Variants in KCNMA1 observed in about 807,000 individuals in gnomAD.
KCNMA1 encodes the protein potassium calcium-activated channel subfamily M alpha 1, also known as Calcium-activated potassium channel subunit alpha-1.
KCNMA1 carries 29 observed loss-of-function variants against 140.0 expected under a neutral mutation model. The observed-to-expected ratio is 0.21, with a 90% CI of 0.15 to 0.28. KCNMA1 has a LOEUF of 0.28. Ranked by LOEUF, KCNMA1 falls within the 10% of genes least tolerant of loss-of-function variation. The probability of loss-of-function intolerance (pLI) is 1.00; values close to 1 mark genes in which losing one functional copy is unlikely to be tolerated. For synonymous variants in KCNMA1, 612 were observed against 611.9 expected (o/e 1.00, Z 0.00); for missense variants, 880 against 1,602.2 (o/e 0.55, Z 7.70).
intron 15 of KCNMA1, among the ~76,000 whole-genome samples, chr10:77,029,882 G>T (rs1023083606): frequency 6.6e-6 from 1 of 152,140 alleles, no homozygotes; most frequent in African/African-American, 2.4e-5. Flanking sequence ...CAGGAAATGA[G>T]GGGGGAGCAA....
At chr10:76,983,979 A>T (rs1054213922) in intron 19 of KCNMA1, among the ~76,000 whole-genome samples, 7 of 152,282 alleles carry the variant, frequency 4.6e-5, no homozygotes, top group Non-Finnish European at 5.9e-5. Context: ...AATAATTTTT[A>T]AAAATAGTTT....
intron 3 of KCNMA1, among the ~76,000 whole-genome samples, chr10:77,216,832 C>T (rs1374662889): frequency 6.6e-6 from 1 of 152,176 alleles, no homozygotes; most frequent in Non-Finnish European, 1.5e-5. Flanking sequence ...TCTTCAACAA[C>T]TACCCTTCAA....
chr10:77,359,270 T>G (rs1383789090), intron 2 of KCNMA1, among the ~76,000 whole-genome samples: 2 of 151,974 alleles, frequency 1.3e-5, no homozygotes, highest in Non-Finnish European at 2.9e-5. Flanking sequence ...GGCAGGAAGG[T>G]TTGTCCGCCA....
At chr10:77,250,077 C>T (rs1029213891) in intron 3 of KCNMA1, 2 of 152,302 alleles carry the variant, frequency 1.3e-5, no homozygotes, top group South Asian at 2.1e-4. Context: ...AATCCTTGGC[C>T]GGTGACCAGA....
chr10:77,447,184 G>A (rs2097544616), intron 1 of KCNMA1, among the ~76,000 whole-genome samples: 1 of 152,216 alleles, frequency 6.6e-6, no homozygotes, highest in African/African-American at 2.4e-5. Flanking sequence ...GGGTACAGAA[G>A]CACAGCAATT....
chr10:76,955,952 G>C (rs539778700), intron 20 of KCNMA1, among the ~76,000 whole-genome samples: 1 of 152,154 alleles, frequency 6.6e-6, no homozygotes, highest in Non-Finnish European at 1.5e-5. Flanking sequence ...CCTGTTTACT[G>C]GTTGGAGAGA....
At chr10:77,000,295 A>G (rs2085798747) in intron 19 of KCNMA1, among the ~76,000 whole-genome samples, 1 of 152,220 alleles carries the variant, frequency 6.6e-6, no homozygotes. Context: ...AAACAAAGTT[A>G]TAGTTATACT....
intron 5 of KCNMA1, among the ~76,000 whole-genome samples, chr10:77,155,266 C>G (rs796386948): frequency 4.6e-5 from 7 of 152,338 alleles, no homozygotes; most frequent in African/African-American, 1.7e-4. Flanking sequence ...AGAATTCTTT[C>G]CTGCCTGCTA....
At chr10:76,882,057 G>A (rs1258323981), downstream of KCNMA1, among the ~76,000 whole-genome samples, 1 of 152,136 alleles carries the variant, frequency 6.6e-6, no homozygotes, top group African/African-American at 2.4e-5. Context: ...CAGGGCTGCA[G>A]GTCACCCTGG....
chr10:77,282,072 G>A (rs2068812299), intron 2 of KCNMA1, among the ~76,000 whole-genome samples: 1 of 152,138 alleles, frequency 6.6e-6, no homozygotes. Context: ...GTTCTGCCAC[G>A]ATCCTTAAAA....
chr10:77,358,060 CA>C (rs1483821034), intron 2 of KCNMA1, among the ~76,000 whole-genome samples: 1 of 152,042 alleles, frequency 6.6e-6, no homozygotes, highest in Non-Finnish European at 1.5e-5. Context: ...TGAGCCAAAG[CA>C]CAATATAAGA....
intron 9 of KCNMA1, among the ~76,000 whole-genome samples, chr10:77,094,299 G>C (rs1303637507): frequency 6.6e-6 from 1 of 152,148 alleles, no homozygotes; most frequent in Non-Finnish European, 1.5e-5. Flanking sequence ...ACTTGCCCAG[G>C]ATGCAATCTG....
intron 1 of KCNMA1, among the ~76,000 whole-genome samples, chr10:77,609,561 T>C (rs1275143533): frequency 1.3e-5 from 2 of 152,198 alleles, no homozygotes; most frequent in Non-Finnish European, 2.9e-5. Flanking sequence ...ATTGTATTCT[T>C]GAAAACTGCT....
At chr10:76,998,062 C>A (rs1456774284) in intron 19 of KCNMA1, among the ~76,000 whole-genome samples, 1 of 152,138 alleles carries the variant, frequency 6.6e-6, no homozygotes, top group Non-Finnish European at 1.5e-5. Flanking sequence ...ACAGTCTGGC[C>A]TTCCATCTCC....
intron 27 of KCNMA1, 32 bp downstream of exon 27, chr10:76,889,419 G>C (rs753790584): frequency 2.9e-6 from 4 of 1,365,532 alleles, no homozygotes; most frequent in Non-Finnish European, 4.2e-6. Flanking sequence ...TCTGTGATTA[G>C]GTGGGAGGGC....
chr10:77,218,632 T>C (rs1303529539), intron 3 of KCNMA1, among the ~76,000 whole-genome samples: 2 of 152,160 alleles, frequency 1.3e-5, no homozygotes, highest in African/African-American at 4.8e-5. Context: ...AGAGCATCCT[T>C]TCTTTAATGT....
At chr10:77,544,510 C>A in intron 1 of KCNMA1, among the ~76,000 whole-genome samples, 1 of 152,170 alleles carries the variant, frequency 6.6e-6, no homozygotes, top group East Asian at 1.9e-4. Context: ...CACTGCAGGG[C>A]AACTTCAATT....
chr10:77,489,413 G>A (rs1458512993), intron 1 of KCNMA1, among the ~76,000 whole-genome samples: 2 of 151,986 alleles, frequency 1.3e-5, no homozygotes, highest in African/African-American at 2.4e-5. Flanking sequence ...TTGGCTGACT[G>A]CAACCTCTGC....
At chr10:77,376,984 C>CATACATACATAA (rs1209614188) in intron 2 of KCNMA1, among the ~76,000 whole-genome samples, 1 of 152,098 alleles carries the variant, frequency 6.6e-6, no homozygotes, top group Admixed American at 6.5e-5. Context: ...TACATACATA[C>CATACATACATAA]ATAAAAATGA....
Sources: gnomAD v4.1 joint callset for allele counts (sites outside exome capture counted in the v4.1 genomes callset) on GRCh38, gnomAD v4.1.1 for gene constraint, MANE v1.5 for transcripts, NCBI Gene and HGNC (gene_info 2026-07-23, HGNC 2026-07-21) for gene names.